Variants in USP32 observed in about 807,000 individuals in gnomAD.
USP32 encodes ubiquitin carboxyl-terminal hydrolase 32.
Under a neutral mutation model 204.8 loss-of-function variants are expected in USP32, and 59 were observed. The observed-to-expected ratio is 0.29, with a 90% confidence interval of 0.23 to 0.36. The LOEUF is 0.36. Among genes scored for constraint, USP32 ranks in the 10% least tolerant of loss-of-function variants. The probability of loss-of-function intolerance (pLI) is 1.00; values close to 1 mark genes in which losing one functional copy is unlikely to be tolerated. For synonymous variants in USP32, 517 were observed against 678.4 expected, an observed-to-expected ratio of 0.76 and a Z score of 3.70; for missense variants, 1,160 against 1,946.4, an observed-to-expected ratio of 0.60 and a Z score of 7.60.
chr17:60,227,359 T>C (rs796982412), intron 12 of USP32, among the ~76,000 whole-genome samples: 4 of 147,762 alleles, frequency 2.7e-5, no homozygotes, highest in African/African-American at 9.9e-5. Flanking sequence ...AACCTCCACC[T>C]CCCAGGTTCA....
rs370977771 is a variant in USP32, at chr17:60,320,614, C to A, written c.187-18910G>T. On this transcript the variant is annotated intron_variant, in intron 2 of 33. Transcript: ENST00000300896. ...GGGAGCATGCAAACCACACAGTGGC[C>A]CTGGCCAGAAATTGATGTTTTTTTC... Among the ~76,000 whole-genome samples the A allele has an allele frequency of 1.4e-4, 21 of 152,172 alleles. No individual in the cohort carries two copies. The East Asian group carries it at 3.5e-3, about 25-fold the overall frequency.
chr17:60,276,443 A>T (rs1490801574), intron 5 of USP32, among the ~76,000 whole-genome samples: 3 of 152,192 alleles, frequency 2.0e-5, no homozygotes, highest in African/African-American at 7.2e-5. Context: ...AAAGAAAAAG[A>T]AGCCTCTTTC....
In USP32 at chr17:60,182,490, C is replaced by T. The variant is rs577313170; in HGVS notation, c.4123+675G>A. The stretch of plus-strand genomic sequence containing the variant: ...TATGAAAATAGTTTTGGGCAAGGCA[C>T]AGTGGCTCACACCTGTAATCCCAGC... On this transcript the variant is annotated intron_variant, in intron 31 of 33. Transcript: ENST00000300896. Among the ~76,000 whole-genome samples, 5 of 152,274 alleles carry T rather than the reference C, an allele frequency of 3.3e-5. No individual in the cohort carries two copies. In the South Asian group the frequency reaches 8.3e-4, roughly 25 times the overall value.
chr17:60,394,969 C>A (rs2089890575), upstream of USP32, among the ~76,000 whole-genome samples: 2 of 152,232 alleles, frequency 1.3e-5, no homozygotes, highest in South Asian at 2.1e-4. Context: ...GTCTCGAACT[C>A]CTGACCTGAG....
chr17:60,301,870 T>C (rs905020227), intron 2 of USP32, among the ~76,000 whole-genome samples, 166 bp from the exon 3 acceptor site: 1 of 152,182 alleles, frequency 6.6e-6, no homozygotes, highest in African/African-American at 2.4e-5. Flanking sequence ...TTGGACCTTA[T>C]TATTGCACTC....
intron 21 of USP32, 25 bp downstream of exon 21, chr17:60,210,988 T>C (rs754735502): frequency 7.0e-5 from 111 of 1,575,130 alleles, no homozygotes; most frequent in Non-Finnish European, 8.0e-5. Flanking sequence ...AATTAAATAC[T>C]TTTATATTAT....
intron 19 of USP32, 34 bp from the exon 20 acceptor site, chr17:60,211,548 T>G (rs1368529906): frequency 8.8e-6 from 14 of 1,586,074 alleles, no homozygotes; most frequent in Non-Finnish European, 1.2e-5. Flanking sequence ...AAAGCTTAGC[T>G]GTAGTAATAT....
In USP32 at chr17:60,403,457, C is replaced by T. The variant is rs114613615; in HGVS notation, c.106+18789G>A. Among the ~76,000 whole-genome samples, 744 of 152,230 alleles carry T rather than the reference C, an allele frequency of 4.9e-3. 8 individuals carry two copies. The highest frequency in any genetic ancestry group is 0.017 in the African/African-American group (712 of 41,542). On this transcript the variant is annotated intron_variant, in intron 1 of 3. Coordinates refer to the USP32 transcript ENST00000588898. ...AGAAATGTTGTCATGCCACAGTCTG[C>T]CCTCGGGTTACAATTCAGATTCCTC... is the stretch of plus-strand genomic sequence containing the variant.
At chr17:60,269,385 A>G in intron 7 of USP32, 65 bp downstream of exon 7, 1 of 1,217,022 alleles carries the variant, frequency 8.2e-7, no homozygotes, top group Non-Finnish European at 1.2e-6. Flanking sequence ...ATAATTTTAC[A>G]TTGATGAAAA....
intron 1 of USP32, among the ~76,000 whole-genome samples, chr17:60,389,552 AAAAG>A (rs2089793236): frequency 6.6e-6 from 1 of 151,186 alleles, no homozygotes; most frequent in African/African-American, 2.4e-5. Context: ...CGAGAAAAAA[AAAAG>A]CTTCATAAAC....
chr17:60,236,106 G>A (rs1195664164), intron 12 of USP32, 32 bp downstream of exon 12: 13 of 1,580,546 alleles, frequency 8.2e-6, no homozygotes, highest in Non-Finnish European at 1.1e-5. Flanking sequence ...AAAATCCTGT[G>A]AAAAATGTAA....
chr17:60,203,552 C>T (rs1405274274), intron 26 of USP32, among the ~76,000 whole-genome samples: 1 of 151,836 alleles, frequency 6.6e-6, no homozygotes, highest in Non-Finnish European at 1.5e-5. Context: ...TTTACTTGAT[C>T]TAGAAGCCTT....
chr17:60,223,873 G>C (rs571741007), intron 13 of USP32, among the ~76,000 whole-genome samples: 1 of 152,320 alleles, frequency 6.6e-6, no homozygotes, highest in East Asian at 1.9e-4. Flanking sequence ...CCGACTGGAA[G>C]GGAAGAGCTG....
chr17:60,228,222 A>G (rs752429406), intron 12 of USP32, among the ~76,000 whole-genome samples: 2 of 151,970 alleles, frequency 1.3e-5, no homozygotes, highest in Admixed American at 1.3e-4. Flanking sequence ...ACAGGGTTTC[A>G]CCATGCTGGC....
chr17:60,239,302 T>G (rs2085814632), intron 11 of USP32, among the ~76,000 whole-genome samples: 1 of 152,256 alleles, frequency 6.6e-6, no homozygotes, highest in Non-Finnish European at 1.5e-5. Context: ...TTCATTATAA[T>G]GCTTCTCAGT....
chr17:60,284,107 T>G (rs1323264108), intron 5 of USP32, among the ~76,000 whole-genome samples: 1 of 151,792 alleles, frequency 6.6e-6, no homozygotes, highest in Non-Finnish European at 1.5e-5. Flanking sequence ...AGGAGGTACA[T>G]GAAACTAAAA....
upstream of USP32, chr17:60,392,360 G>A (rs961997759): frequency 3.7e-6 from 1 of 269,944 alleles, no homozygotes; most frequent in African/African-American, 2.3e-5. Context: ...GCGCCGGGGA[G>A]GGGGACGCAT....
chr17:60,238,085 A>T (rs1335697876), intron 11 of USP32, among the ~76,000 whole-genome samples: 1 of 152,200 alleles, frequency 6.6e-6, no homozygotes, highest in African/African-American at 2.4e-5. Context: ...CATTTTAAAA[A>T]TTCTAATAAT....
intron 2 of USP32, among the ~76,000 whole-genome samples, chr17:60,335,521 A>C (rs755440798): frequency 7.0e-6 from 1 of 142,508 alleles, no homozygotes; most frequent in African/African-American, 3.0e-5. Flanking sequence ...ACTAAAACAC[A>C]AGTTGTACCT....
Sources: allele counts gnomAD v4.1 joint callset (sites outside exome capture counted in the v4.1 genomes callset), GRCh38; gene constraint gnomAD v4.1.1; transcripts MANE v1.5; gene names NCBI Gene and HGNC (gene_info 2026-07-23, HGNC 2026-07-21).